Variants in KCNU1 observed in about 807,000 individuals in gnomAD.
KCNU1 encodes the protein potassium calcium-activated channel subfamily U member 1.
Under a neutral mutation model 126.8 loss-of-function variants are expected in KCNU1, and 93 were observed. The ratio of observed to expected loss-of-function variants is 0.73; its 90% confidence interval spans 0.62 to 0.87. The LOEUF (loss-of-function observed/expected upper bound fraction) is 0.87. Among genes scored for constraint, KCNU1 ranks in the 40% least tolerant of loss-of-function variants. KCNU1 has a pLI of 0.00. For synonymous variants in KCNU1, 523 were observed against 494.2 expected (o/e 1.06, Z -0.77); for missense variants, 1,330 against 1,367.1 (o/e 0.97, Z 0.43).
chr8:36,816,471 G>A (rs1027808115), intron 9 of KCNU1, among the ~76,000 whole-genome samples: 1 of 152,130 alleles, frequency 6.6e-6, no homozygotes, highest in African/African-American at 2.4e-5. Flanking sequence ...AATACAGTTG[G>A]ATGAAAACTT....
intron 18 of KCNU1, among the ~76,000 whole-genome samples, chr8:36,864,102 A>G (rs1295753671): frequency 6.6e-6 from 1 of 152,144 alleles, no homozygotes. Flanking sequence ...GCCTCTAGAC[A>G]TGCTGTAGCA....
chr8:36,908,797 C>A (rs981151190), intron 20 of KCNU1, among the ~76,000 whole-genome samples: 9 of 151,532 alleles, frequency 5.9e-5, no homozygotes, highest in African/African-American at 2.2e-4. Context: ...ATTTTTGACC[C>A]ATAAAAAGGT....
rs989962102 is a variant in KCNU1, at chr8:36,935,845, T to C, written c.3375T>C (p.Asn1125=). 8 of 1,611,334 alleles carry C rather than the reference T, an allele frequency of 5.0e-6. No individual in the cohort carries two copies. The highest frequency in any genetic ancestry group is 6.8e-6 in the Non-Finnish European group (8 of 1,179,002). Residue 1125 remains asparagine (N), a synonymous_variant, in exon 27 of 27, where the codon AAT becomes AAC. Transcript: ENST00000399881. ...IISSQIPLGD[N]AKENERKTSD... Reference sequence around the variant, plus strand: ...CATCTCAGATACCTTTAGGTGACAATGCAAAAGAAAATGAAAGGAAAACTT... The same window carrying C: ...CATCTCAGATACCTTTAGGTGACAACGCAAAAGAAAATGAAAGGAAAACTT...
intron 22 of KCNU1, 51 bp from the exon 23 acceptor site, chr8:36,918,772 A>T: frequency 9.4e-7 from 1 of 1,069,446 alleles, no homozygotes; most frequent in Non-Finnish European, 1.4e-6. Context: ...ATTTTTGACA[A>T]GTTTTGTAAG....
chr8:36,935,622 C>T lies in KCNU1; in HGVS notation c.3152C>T (p.Ser1051Leu). 6.2e-7 allele frequency: 1 copy of T among 1,613,362 alleles called. No homozygotes were observed. Among genetic ancestry groups the T allele is most frequent in the Non-Finnish European group, 8.5e-7 (1 of 1,179,466 alleles). The change falls in exon 27 of 27, where the codon TCA (serine) becomes TTA (leucine). Residue 1051 changes from serine to leucine, a missense_variant. Physicochemically the swap from Ser to Leu is moderately radical, Grantham distance 145 (BLOSUM62 -2). Around this residue, in one of 3 missense-constraint regions of KCNU1, gnomAD observed 1,054 missense variants for 1,053.9 expected, o/e 1.00. Transcript: ENST00000399881. ...TGTTATAAAAGGAATGAAGAGTTCT[C>T]ATTGCAAAAGTCATATGAAATTGTA... ...TACYKRNEEF[S>L]LQKSYEIVNK...
chr8:36,881,230 A>C (rs1806465504), intron 19 of KCNU1, among the ~76,000 whole-genome samples: 1 of 152,104 alleles, frequency 6.6e-6, no homozygotes. Flanking sequence ...AAGGCCAGCC[A>C]ACTGTTTTTT....
intron 11 of KCNU1, 42 bp from the exon 12 acceptor site, chr8:36,834,744 A>C (rs760148914): frequency 1.5e-6 from 2 of 1,294,240 alleles, no homozygotes. Flanking sequence ...AGCATTTCCC[A>C]TGTAATTAAC....
intron 23 of KCNU1, among the ~76,000 whole-genome samples, chr8:36,921,800 A>G (rs1156558645): frequency 1.3e-5 from 2 of 152,052 alleles, no homozygotes; most frequent in Non-Finnish European, 2.9e-5. Flanking sequence ...CAGTATAGAC[A>G]TGCTGATGGA....
intron 18 of KCNU1, 47 bp from the exon 19 acceptor site, chr8:36,864,357 C>G (rs1420323178): frequency 1.7e-6 from 2 of 1,156,664 alleles, no homozygotes; most frequent in Admixed American, 3.4e-5. Context: ...CCAACAATCC[C>G]TTGTGAAGAG....
chr8:36,860,033 T>C (rs1412092347), intron 18 of KCNU1, among the ~76,000 whole-genome samples: 1 of 152,124 alleles, frequency 6.6e-6, no homozygotes, highest in Non-Finnish European at 1.5e-5. Context: ...AAAATAATAA[T>C]TGAAAGAGAA....
In KCNU1 at chr8:36,911,103, G is replaced by A. The variant is rs377444778; in HGVS notation, c.2505G>A (p.Pro835=). ...TGCAAATTGACTCCTCCTCTGACCCGTCACCCTCAGTGTCAGGTGAGAACA... is the reference window on the plus strand; with the variant it reads ...TGCAAATTGACTCCTCCTCTGACCCATCACCCTCAGTGTCAGGTGAGAACA... ...GSLQIDSSSD[P]SPSVSEETPG... is the part of the protein sequence containing the mutation. Residue 835 remains proline, a synonymous_variant, in exon 22 of 27, where the codon CCG becomes CCA. Transcript: ENST00000399881. 139 of 1,612,120 alleles carry A rather than the reference G, an allele frequency of 8.6e-5. No homozygotes were observed. Among genetic ancestry groups the A allele is most frequent in the African/African-American group, 7.6e-4 (57 of 74,956 alleles).
chr8:36,806,402 G>A (rs1803505141), intron 5 of KCNU1, 22 bp downstream of exon 5: 1 of 1,227,890 alleles, frequency 8.1e-7, no homozygotes, highest in East Asian at 2.4e-5. Flanking sequence ...CTGGGAACGG[G>A]TAGCAATATC....
intron 24 of KCNU1, among the ~76,000 whole-genome samples, chr8:36,926,548 A>G (rs981976014): frequency 6.6e-6 from 1 of 152,168 alleles, no homozygotes; most frequent in Admixed American, 6.5e-5. Context: ...ATTCCCTTGA[A>G]GTTAGGATGA....
chr8:36,822,561 T>C (rs922998405), intron 10 of KCNU1, among the ~76,000 whole-genome samples: 5 of 152,218 alleles, frequency 3.3e-5, no homozygotes, highest in Admixed American at 1.3e-4. Flanking sequence ...CCATTTTCTT[T>C]CTTTGGTTAC....
intron 3 of KCNU1, 68 bp from the exon 4 acceptor site, chr8:36,805,127 A>G: frequency 9.3e-7 from 1 of 1,071,544 alleles, no homozygotes; most frequent in East Asian, 2.5e-5. Context: ...CTTTCCCTTT[A>G]GTTGGTCTTA....
chr8:36,935,059 A>G (rs1257677113), intron 26 of KCNU1, among the ~76,000 whole-genome samples: 3 of 152,144 alleles, frequency 2.0e-5, no homozygotes, highest in African/African-American at 7.2e-5. Context: ...AATATATGTC[A>G]TCTTTCTGTT....
In KCNU1 at chr8:36,891,367, A is replaced by G. The variant is rs978191274; in HGVS notation, c.2010-14341A>G. ...TGATTATCATACAAATTACATCTTT[A>G]TAATATTATAGGTTCATCAACACAA... On this transcript the variant is annotated intron_variant, in intron 19 of 26. Coordinates refer to ENST00000399881, the MANE Select transcript of KCNU1 (RefSeq NM_001031836.3). 2.2e-4 allele frequency among the ~76,000 whole-genome samples: 33 copies of G among 152,020 alleles called. 1 individual carries two copies. Among genetic ancestry groups the G allele is most frequent in the Admixed American group, 2.0e-4 (3 of 15,228 alleles).
intron 1 of KCNU1, among the ~76,000 whole-genome samples, chr8:36,786,875 T>G (rs1348268486): frequency 3.9e-5 from 6 of 152,176 alleles, no homozygotes; most frequent in African/African-American, 1.2e-4. Context: ...AACTTCCCCC[T>G]TCTCTCACAA....
intron 19 of KCNU1, among the ~76,000 whole-genome samples, chr8:36,895,496 G>T (rs1162101761): frequency 6.6e-6 from 1 of 152,034 alleles, no homozygotes; most frequent in Non-Finnish European, 1.5e-5. Context: ...TTCACTGCAG[G>T]TTTCATCATC....
Sources: gnomAD v4.1 joint callset for allele counts (sites outside exome capture counted in the v4.1 genomes callset) on GRCh38, gnomAD v4.1.1 for gene constraint, gnomAD v4.1.1 regional missense constraint, MANE v1.5 for transcripts, NCBI Gene and HGNC (gene_info 2026-07-23, HGNC 2026-07-21) for gene names.